The following GCNT1 variants were observed in gnomAD, a reference collection of about 807,000 sequenced individuals.
GCNT1 encodes the protein glucosaminyl (N-acetyl) transferase 1.
GCNT1 carries 16 observed loss-of-function variants against 26.2 expected under a neutral mutation model. That is an observed-to-expected ratio of 0.61 (90% CI 0.41 to 0.93). The LOEUF (loss-of-function observed/expected upper bound fraction) is 0.93. GCNT1 is among the 40% of genes least tolerant of loss of function. The pLI is 0.00. For missense variants in GCNT1, 477 were observed against 526.7 expected, an observed-to-expected ratio of 0.91 and a Z score of 0.92; for synonymous variants, 183 against 190.8, an observed-to-expected ratio of 0.96 and a Z score of 0.34.
chr9:76,438,934 G>A (rs1160460696), upstream of GCNT1, among the ~76,000 whole-genome samples: 1 of 152,180 alleles, frequency 6.6e-6, no homozygotes, highest in African/African-American at 2.4e-5. Context: ...AGCCGTGTAT[G>A]TGTGGGCAGT....
chr9:76,395,341 A>G, the GCNT1 span, among the ~76,000 whole-genome samples: 3 of 152,164 alleles, frequency 2.0e-5, no homozygotes, highest in Non-Finnish European at 2.9e-5. Flanking sequence ...TTTTTGCTCT[A>G]TACATTTGTA....
upstream of GCNT1, among the ~76,000 whole-genome samples, chr9:76,454,836 T>C (rs952157640): frequency 1.4e-5 from 2 of 138,694 alleles, no homozygotes; most frequent in African/African-American, 5.3e-5. Context: ...AAACCTCTTT[T>C]CTTTTCTTTT....
intron 2 of GCNT1, among the ~76,000 whole-genome samples, chr9:76,472,184 G>A (rs1824145347): frequency 1.3e-5 from 2 of 152,326 alleles, no homozygotes; most frequent in African/African-American, 4.8e-5. Context: ...GGCTGAGGTG[G>A]GAGAATCACT....
chr9:76,406,005 A>C, the GCNT1 span, among the ~76,000 whole-genome samples: 2 of 152,186 alleles, frequency 1.3e-5, no homozygotes, highest in African/African-American at 2.4e-5. Context: ...TTGCATTCCC[A>C]CCAGCAATTA....
upstream of GCNT1, among the ~76,000 whole-genome samples, chr9:76,438,915 T>C (rs1401457655): frequency 2.0e-5 from 3 of 152,198 alleles, no homozygotes; most frequent in African/African-American, 7.2e-5. Flanking sequence ...ACAAGCTTGA[T>C]AGATAGTAAG....
chr9:76,456,764 G>A (rs527370095), upstream of GCNT1, among the ~76,000 whole-genome samples: 30 of 152,284 alleles, frequency 2.0e-4, no homozygotes, highest in Non-Finnish European at 4.0e-4. Context: ...CTTGAGCGTG[G>A]GAGTTCAAAC....
Position 76,502,302 on chromosome 9 carries a change from C to A in GCNT1, c.-80C>A. On this transcript the variant is annotated 5_prime_UTR_variant, in exon 4 of 4. Coordinates refer to ENST00000376730, the MANE Select transcript of GCNT1 (RefSeq NM_001490.5). ...AAATGCAAACTGACAACCTTCAAGGCCACGACGGAGGGAAAATCATTGGTG... is the reference window on the plus strand; with the variant it reads ...AAATGCAAACTGACAACCTTCAAGGACACGACGGAGGGAAAATCATTGGTG... The A allele has an allele frequency of 1.0e-6, 1 of 963,672 alleles. No individual in the cohort carries two copies. The highest frequency in any genetic ancestry group is 1.6e-6 in the Non-Finnish European group (1 of 633,376). The allele number at this position is 963,672 out of a possible 1,614,324, so 59.7% of individuals were successfully genotyped here.
chr9:76,483,962 G>GT (rs550916698), intron 2 of GCNT1, among the ~76,000 whole-genome samples: 1 of 152,120 alleles, frequency 6.6e-6, no homozygotes, highest in Non-Finnish European at 1.5e-5. Flanking sequence ...TCGTAAGTGT[G>GT]TGCCACCATG....
chr9:76,407,112 T>G, the GCNT1 span, among the ~76,000 whole-genome samples: 10 of 151,578 alleles, frequency 6.6e-5, no homozygotes, highest in African/African-American at 2.4e-4. Context: ...CTTCTAGGAA[T>G]TTTATAGTTT....
chr9:76,422,413 A>G (rs1434391327), intron 1 of GCNT1, among the ~76,000 whole-genome samples: 1 of 152,178 alleles, frequency 6.6e-6, no homozygotes, highest in Non-Finnish European at 1.5e-5. Context: ...CACTATGCAG[A>G]TAGATAGTTC....
At chr9:76,500,027 AT>A (rs1249803185) in intron 2 of GCNT1, among the ~76,000 whole-genome samples, 1 of 152,098 alleles carries the variant, frequency 6.6e-6, no homozygotes, top group Non-Finnish European at 1.5e-5. Context: ...GATTTCAAGT[AT>A]TTATTAAATC....
chr9:76,503,935 G>T lies in GCNT1; in HGVS notation c.*267G>T. ...AGCAGGTAGCAAGGCATTGTGGAAA[G>T]AGGGGACCAGGGTGGCTGGGGAAGA... On this transcript the variant is annotated 3_prime_UTR_variant, in exon 4 of 4. Transcript: ENST00000376730. The T allele has an allele frequency of 2.2e-6, 1 of 462,326 alleles. No homozygotes were observed. Among genetic ancestry groups the T allele is most frequent in the Non-Finnish European group, 4.1e-6 (1 of 243,986 alleles). 28.6% of individuals were successfully genotyped at this position (462,326 alleles called of 1,614,324 possible). A position where few individuals can be genotyped will look rare whatever the true frequency, so the allele number is the denominator to read the frequency against.
At chr9:76,486,047 C>G (rs1254089097) in intron 2 of GCNT1, among the ~76,000 whole-genome samples, 1 of 152,168 alleles carries the variant, frequency 6.6e-6, no homozygotes, top group African/African-American at 2.4e-5. Flanking sequence ...CTGTCTTTTT[C>G]TTAATGGGCA....
In GCNT1 at chr9:76,496,309, C is replaced by T. The variant is rs548407655; in HGVS notation, c.-289-4607C>T. Among the ~76,000 whole-genome samples the T allele has an allele frequency of 9.2e-5, 14 of 152,302 alleles. No individual in the cohort carries two copies. In the South Asian group the frequency reaches 2.9e-3, roughly 32 times the overall value. The stretch of plus-strand genomic sequence containing the variant: ...AACAAAAAACAAAGCAACACCACTC[C>T]TCCATCATTCTCCGCATCCCCCCTT... On this transcript the variant is annotated intron_variant, in intron 2 of 3. Transcript: ENST00000376730.
At chr9:76,498,150 C>T (rs911957505) in intron 2 of GCNT1, among the ~76,000 whole-genome samples, 1 of 152,092 alleles carries the variant, frequency 6.6e-6, no homozygotes, top group Admixed American at 6.6e-5. Context: ...TTGTGTGAGA[C>T]CTTCATATCT....
chr9:76,464,008 C>G (rs1564232761), intron 2 of GCNT1, among the ~76,000 whole-genome samples: 1 of 147,878 alleles, frequency 6.8e-6, no homozygotes, highest in Non-Finnish European at 1.5e-5. Context: ...CCAGCCAGGT[C>G]AACATAGCGA....
At chr9:76,438,279 G>C (rs983478263), upstream of GCNT1, among the ~76,000 whole-genome samples, 1 of 152,178 alleles carries the variant, frequency 6.6e-6, no homozygotes, top group African/African-American at 2.4e-5. Context: ...AGGGAGGTGT[G>C]GGGGGTGGCT....
At chr9:76,485,266 A>G (rs975888740) in intron 2 of GCNT1, among the ~76,000 whole-genome samples, 1 of 152,012 alleles carries the variant, frequency 6.6e-6, no homozygotes, top group Non-Finnish European at 1.5e-5. Flanking sequence ...TCCACCTCCC[A>G]GGTTCAAGTG....
At chr9:76,482,981 T>C (rs7465809) in intron 2 of GCNT1, among the ~76,000 whole-genome samples, 37,625 of 151,702 alleles carry the variant, frequency 0.25, 4,896 homozygotes, top group East Asian at 0.32. Flanking sequence ...TTTAATCTAG[T>C]ATATCAAAAT....
Sources: allele counts gnomAD v4.1 joint callset (sites outside exome capture counted in the v4.1 genomes callset), GRCh38; gene constraint gnomAD v4.1.1; transcripts MANE v1.5; gene names NCBI Gene and HGNC (gene_info 2026-07-23, HGNC 2026-07-21).